Variants in PLCE1 observed in about 807,000 individuals in gnomAD.
The protein encoded by PLCE1 is 1-phosphatidylinositol 4,5-bisphosphate phosphodiesterase epsilon-1.
PLCE1 carries 119 observed loss-of-function variants against 242.8 expected under a neutral mutation model. The ratio of observed to expected loss-of-function variants is 0.49; its 90% CI spans 0.42 to 0.57. The LOEUF is 0.57. PLCE1 is among the 20% of genes least tolerant of loss of function. PLCE1 has a pLI of 0.00. For synonymous variants in PLCE1, 945 were observed against 1,017.4 expected, an observed-to-expected ratio of 0.93 and a Z score of 1.35; for missense variants, 2,441 against 2,788.8, an observed-to-expected ratio of 0.88 and a Z score of 2.81.
chr10:94,253,354 C>T (rs530926306), intron 9 of PLCE1, among the ~76,000 whole-genome samples: 15 of 152,028 alleles, frequency 9.9e-5, no homozygotes, highest in South Asian at 4.2e-4. Flanking sequence ...AGGTGCCACA[C>T]ACTTTTTTTT....
At chr10:94,182,078 C>A (rs1267378487) in intron 4 of PLCE1, among the ~76,000 whole-genome samples, 1 of 135,060 alleles carries the variant, frequency 7.4e-6, no homozygotes, top group South Asian at 2.1e-4. Context: ...AAAATGTCTT[C>A]CTTCCTTTTC....
intron 30 of PLCE1, among the ~76,000 whole-genome samples, chr10:94,322,643 G>A (rs912143247): frequency 2.6e-5 from 4 of 151,952 alleles, no homozygotes; most frequent in African/African-American, 9.7e-5. Flanking sequence ...AAATTAGCTG[G>A]GCGTGGTGGC....
chr10:94,031,996 G>T lies in PLCE1; in HGVS notation c.950G>T (p.Ser317Ile), dbSNP rs886047498. 1 of 1,613,644 alleles carries T rather than the reference G, an allele frequency of 6.2e-7. No individual in the cohort carries two copies. The highest frequency in any genetic ancestry group is 1.1e-5 in the South Asian group (1 of 91,038). The part of the protein sequence containing the change: ...CDDVEEDAFK[S>I]KKERSTLLVR... ...GATGTAGAAGAAGACGCTTTTAAAA[G>T]CAAAAAGGAGCGATCCACTTTGTTA... The change falls in exon 2 of 33, where the codon AGC becomes ATC. Residue 317 changes from serine to isoleucine, a missense_variant. By Grantham distance (142) the Ser-to-Ile change is moderately radical. This residue lies in a region of PLCE1 where 393 missense variants were observed against 378.5 expected (regional missense o/e 1.04). Transcript: ENST00000371380.
At chr10:94,137,394 G>A (rs1164269238) in intron 3 of PLCE1, among the ~76,000 whole-genome samples, 1 of 152,088 alleles carries the variant, frequency 6.6e-6, no homozygotes, top group Non-Finnish European at 1.5e-5. Context: ...ATAAAAACAA[G>A]ATAAAGTTAA....
At chr10:94,283,058 G>C (rs2052301996) in intron 20 of PLCE1, 1 of 152,072 alleles carries the variant, frequency 6.6e-6, no homozygotes, top group Admixed American at 6.6e-5. Context: ...TCTTGAGTGA[G>C]AAATTAGCTT....
At chr10:94,229,804 C>A (rs1412584257) in intron 5 of PLCE1, among the ~76,000 whole-genome samples, 1 of 152,226 alleles carries the variant, frequency 6.6e-6, no homozygotes, top group African/African-American at 2.4e-5. Flanking sequence ...ACCCCAGACC[C>A]ACTGCTGCCT....
At chr10:94,254,856 T>G in intron 10 of PLCE1, 37 bp from the exon 11 acceptor site, 1 of 1,609,220 alleles carries the variant, frequency 6.2e-7, no homozygotes, top group Non-Finnish European at 8.5e-7. Context: ...AAGTATAATC[T>G]GAGTCATTCT....
chr10:94,027,324 C>T (rs995331797), intron 1 of PLCE1, among the ~76,000 whole-genome samples: 1 of 152,170 alleles, frequency 6.6e-6, no homozygotes, highest in Non-Finnish European at 1.5e-5. Flanking sequence ...GACAAGATCC[C>T]TGCCTTATTT....
intron 20 of PLCE1, among the ~76,000 whole-genome samples, chr10:94,281,052 A>G (rs565087079): frequency 6.6e-6 from 1 of 152,354 alleles, no homozygotes; most frequent in African/African-American, 2.4e-5. Flanking sequence ...CTCATCAGAT[A>G]GTAAGAGGGG....
At chr10:94,013,679 T>C (rs1192217634) in intron 1 of PLCE1, among the ~76,000 whole-genome samples, 2 of 152,332 alleles carry the variant, frequency 1.3e-5, no homozygotes, top group East Asian at 3.9e-4. Context: ...AACAAGTTAC[T>C]AGTGTGCAAA....
At chr10:94,271,188 C>T (rs1294909678) in intron 18 of PLCE1, among the ~76,000 whole-genome samples, 2 of 151,876 alleles carry the variant, frequency 1.3e-5, no homozygotes, top group Non-Finnish European at 2.9e-5. Context: ...GATAGACCAA[C>T]TCTCCAACAC....
rs2054098251 is a variant in PLCE1 at position 94,328,041 on chromosome 10, CTG to C, written c.*99_*100del. The C allele has an allele frequency of 3.9e-6, 2 of 515,026 alleles. No homozygotes were observed. Among genetic ancestry groups the C allele is most frequent in the African/African-American group, 3.9e-5 (2 of 51,634 alleles). The allele number at this position is 515,026 out of a possible 1,614,324, so 31.9% of individuals were successfully genotyped here. A position where few individuals can be genotyped will look rare whatever the true frequency, so the allele number is the denominator to read the frequency against. On this transcript the variant is annotated 3_prime_UTR_variant, in exon 33 of 33. Transcript: ENST00000371380. ...TATAATTATTTTCATCAGACTTAAA[CTG>C]GAAATTGATGATTTCTGAACTGAAG... is the stretch of plus-strand genomic sequence containing the variant.
chr10:94,166,302 A>G (rs2047799811), intron 3 of PLCE1, among the ~76,000 whole-genome samples: 1 of 152,300 alleles, frequency 6.6e-6, no homozygotes, highest in Non-Finnish European at 1.5e-5. Flanking sequence ...TAGAAGTAAG[A>G]TTTCTAGTAC....
At chr10:94,223,777 C>T (rs751008912) in intron 4 of PLCE1, among the ~76,000 whole-genome samples, 21 of 152,154 alleles carry the variant, frequency 1.4e-4, no homozygotes, top group Non-Finnish European at 2.5e-4. Flanking sequence ...CTACCATTAA[C>T]ACCTTTCTGC....
chr10:94,260,132 GGT>G (rs950116760), intron 13 of PLCE1, among the ~76,000 whole-genome samples: 1 of 152,078 alleles, frequency 6.6e-6, no homozygotes, highest in African/African-American at 2.4e-5. Context: ...CTAGGTATGT[GGT>G]GTGTGTCACA....
At chr10:94,261,893 A>C (rs1458744655) in intron 13 of PLCE1, among the ~76,000 whole-genome samples, 2 of 152,188 alleles carry the variant, frequency 1.3e-5, no homozygotes, top group Non-Finnish European at 2.9e-5. Flanking sequence ...GTTACTCCCT[A>C]AAACCAAAGC....
At chr10:94,177,036 T>C (rs1374512387) in intron 4 of PLCE1, among the ~76,000 whole-genome samples, 2 of 152,176 alleles carry the variant, frequency 1.3e-5, no homozygotes, top group African/African-American at 2.4e-5. Flanking sequence ...GGCAGCTTGT[T>C]CCAGATTGCC....
intron 2 of PLCE1, among the ~76,000 whole-genome samples, chr10:94,073,473 A>G (rs537248897): frequency 6.6e-6 from 1 of 152,316 alleles, no homozygotes; most frequent in South Asian, 2.1e-4. Context: ...CAGACAGGGA[A>G]ATATTCCAGG....
At chr10:94,246,730 T>TCAGA in intron 8 of PLCE1, 109 bp downstream of exon 8, 1 of 1,014,008 alleles carries the variant, frequency 9.9e-7, no homozygotes, top group Non-Finnish European at 1.5e-6. Context: ...TTACTACCTG[T>TCAGA]GGTGACCTTG....
Sources: allele counts gnomAD v4.1 joint callset (sites outside exome capture counted in the v4.1 genomes callset), GRCh38; gene constraint gnomAD v4.1.1; regional missense constraint gnomAD v4.1.1; transcripts MANE v1.5; gene names NCBI Gene and HGNC (gene_info 2026-07-23, HGNC 2026-07-21).